The following PLEKHA5 variants were observed in gnomAD, a reference collection of about 807,000 sequenced individuals.
The protein encoded by PLEKHA5 is pleckstrin homology domain containing A5.
In PLEKHA5, 55 loss-of-function variants were observed where a neutral mutation model predicts 181.9. The ratio of observed to expected loss-of-function variants is 0.30; its 90% CI spans 0.24 to 0.38. The LOEUF is 0.38. PLEKHA5 is among the 10% of genes least tolerant of loss of function. The probability of loss-of-function intolerance (pLI) is 1.00; values close to 1 mark genes in which losing one functional copy is unlikely to be tolerated. For synonymous variants in PLEKHA5, 535 were observed against 529.4 expected (o/e 1.01, Z -0.15); for missense variants, 1,432 against 1,549.5 (o/e 0.92, Z 1.27).
chr12:19,272,039 G>C (rs1481912887), intron 10 of PLEKHA5, among the ~76,000 whole-genome samples: 1 of 152,062 alleles, frequency 6.6e-6, no homozygotes. Flanking sequence ...ATTTATCAGA[G>C]CTTATCACTG....
At chr12:19,314,472 T>G (rs1354854216) in intron 15 of PLEKHA5, among the ~76,000 whole-genome samples, 1 of 152,158 alleles carries the variant, frequency 6.6e-6, no homozygotes, top group African/African-American at 2.4e-5. Context: ...CCTGATTGTG[T>G]AGGTTCTCAC....
intron 3 of PLEKHA5, chr12:19,153,529 C>T (rs771783800): frequency 1.3e-5 from 2 of 151,990 alleles, no homozygotes; most frequent in Non-Finnish European, 2.9e-5. Flanking sequence ...ACACACAAAC[C>T]TTTACCCCCT....
intron 22 of PLEKHA5, among the ~76,000 whole-genome samples, chr12:19,345,352 A>G (rs1380810762): frequency 6.6e-6 from 1 of 151,938 alleles, no homozygotes; most frequent in African/African-American, 2.4e-5. Context: ...GTGAGCCGAG[A>G]TCTTGCCACT....
In PLEKHA5 at chr12:19,274,936, G is replaced by A. The variant is rs762947747; in HGVS notation, c.1266G>A (p.Gln422=). 6.2e-7 allele frequency: 1 copy of A among 1,612,872 alleles called. No individual in the cohort carries two copies. The highest frequency in any genetic ancestry group is 1.1e-5 in the South Asian group (1 of 91,080). Residue 422 remains glutamine, a synonymous_variant, in exon 11 of 32, where the codon CAG becomes CAA. Transcript: ENST00000429027. ...QRTNSMQQLE[Q]WIKIQKGRGH... is the part of the protein sequence containing the mutation. ...CAAATTCAATGCAGCAGTTGGAACA[G>A]TGGATTAAAATCCAGAAGGGGAGGG...
At chr12:19,263,313 A>C (rs2069132578) in intron 7 of PLEKHA5, among the ~76,000 whole-genome samples, 1 of 152,310 alleles carries the variant, frequency 6.6e-6, no homozygotes, top group East Asian at 1.9e-4. Context: ...ACTCATATAC[A>C]AAGTGCTTAC....
chr12:19,336,587 G>A lies in PLEKHA5; in HGVS notation c.2521G>A (p.Glu841Lys), dbSNP rs1419679418. ...DVTVTRNQMQ[E>K]QLDHLGEVQT... ...AACTGTTACCAGGAACCAGATGCAA[G>A]AGCAGCTGGATCACCTTGGTGAAGT... The change falls in exon 21 of 32, where the codon GAG (glutamate) becomes AAG (lysine). Residue 841 changes from glutamate (E) to lysine (K), a missense_variant. This residue lies in a region of PLEKHA5 where 1,143 missense variants were observed against 1,168.4 expected (regional missense o/e 0.98). Transcript: ENST00000429027. 6.3e-7 allele frequency: 1 copy of A among 1,598,456 alleles called. No homozygotes were observed. Among genetic ancestry groups the A allele is most frequent in the Non-Finnish European group, 8.6e-7 (1 of 1,166,674 alleles).
intron 3 of PLEKHA5, among the ~76,000 whole-genome samples, chr12:19,173,646 T>C (rs1267417952): frequency 6.6e-6 from 1 of 152,182 alleles, no homozygotes; most frequent in Non-Finnish European, 1.5e-5. Flanking sequence ...GAAGCTGTCA[T>C]TATCCCACGA....
intron 31 of PLEKHA5, chr12:19,371,894 T>C (rs1259469414): frequency 6.6e-6 from 1 of 152,258 alleles, no homozygotes; most frequent in East Asian, 1.9e-4. Context: ...CACACTGTTT[T>C]CCGTAGTGGT....
chr12:19,248,876 A>G (rs2064470743), intron 3 of PLEKHA5, among the ~76,000 whole-genome samples: 1 of 152,248 alleles, frequency 6.6e-6, no homozygotes, highest in Admixed American at 6.5e-5. Flanking sequence ...AAATACTAAT[A>G]TAATGATGAC....
intron 20 of PLEKHA5, among the ~76,000 whole-genome samples, chr12:19,330,873 T>G (rs1282128749): frequency 6.6e-6 from 1 of 152,166 alleles, no homozygotes; most frequent in African/African-American, 2.4e-5. Flanking sequence ...GGGCATTAAT[T>G]TGTAATATTA....
At chr12:19,356,057 C>T (rs1383954563) in intron 26 of PLEKHA5, among the ~76,000 whole-genome samples, 2 of 151,558 alleles carry the variant, frequency 1.3e-5, no homozygotes, top group South Asian at 4.2e-4. Flanking sequence ...CTCAGCTACT[C>T]GGGAGGCTGA....
chr12:19,312,584 T>C (rs1016776061), intron 15 of PLEKHA5, among the ~76,000 whole-genome samples: 3 of 152,222 alleles, frequency 2.0e-5, no homozygotes, highest in Non-Finnish European at 2.9e-5. Context: ...CAAGTTTCCT[T>C]CTGCAGCTTC....
chr12:19,347,531 G>C (rs1449340605), intron 24 of PLEKHA5, among the ~76,000 whole-genome samples: 2 of 152,120 alleles, frequency 1.3e-5, no homozygotes, highest in Non-Finnish European at 2.9e-5. Flanking sequence ...AAGGGAGAAA[G>C]AAAAAGACCG....
intron 20 of PLEKHA5, among the ~76,000 whole-genome samples, chr12:19,331,448 TC>T (rs1337765206): frequency 6.6e-6 from 1 of 152,180 alleles, no homozygotes. Flanking sequence ...AGGAGATTTC[TC>T]CCACCTCAGC....
intron 3 of PLEKHA5, among the ~76,000 whole-genome samples, chr12:19,249,973 T>A (rs1439859693): frequency 6.6e-6 from 1 of 152,052 alleles, no homozygotes; most frequent in Non-Finnish European, 1.5e-5. Context: ...TTTCTGGAGG[T>A]TTATTTGGAC....
intron 15 of PLEKHA5, among the ~76,000 whole-genome samples, chr12:19,292,360 C>T (rs2078671568): frequency 1.3e-5 from 2 of 151,738 alleles, no homozygotes. Context: ...GAGCCGAGAT[C>T]ATGCACCACT....
chr12:19,327,827 T>C (rs1401652297), intron 20 of PLEKHA5, among the ~76,000 whole-genome samples: 1 of 151,956 alleles, frequency 6.6e-6, no homozygotes, highest in African/African-American at 2.4e-5. Context: ...GTATTTTTAG[T>C]AGAGACAGGG....
rs138621053 is a variant in PLEKHA5, at chr12:19,368,041, C to T, written c.3755-1652C>T. ...ATGGGGTTCTGGGCAGAACATCTTC[C>T]GTATCTTATATAAATATAACGTGTA... On this transcript the variant is annotated intron_variant, in intron 30 of 31. Transcript: ENST00000429027. Among the ~76,000 whole-genome samples, 1,046 of 151,784 alleles carry T rather than the reference C, an allele frequency of 6.9e-3. 10 individuals carry two copies. The highest frequency in any genetic ancestry group is 0.024 in the African/African-American group (992 of 41,436).
rs545296483 is a variant in PLEKHA5, at chr12:19,210,176, A to G, written c.228-43764A>G. Among the ~76,000 whole-genome samples, 3 of 152,330 alleles carry G rather than the reference A, an allele frequency of 2.0e-5. No homozygotes were observed. The South Asian group carries it at 6.2e-4, about 32-fold the overall frequency. On this transcript the variant is annotated intron_variant, in intron 3 of 31. Coordinates refer to ENST00000429027, the MANE Select transcript of PLEKHA5 (RefSeq NM_001256470.2). ...ATATTCTCATTTACGAAAGTGTTTT[A>G]ACCTTAATGGAGTTTTTGTTAAGGA...
Sources: allele counts gnomAD v4.1 joint callset (sites outside exome capture counted in the v4.1 genomes callset), GRCh38; gene constraint gnomAD v4.1.1; regional missense constraint gnomAD v4.1.1; transcripts MANE v1.5; gene names NCBI Gene and HGNC (gene_info 2026-07-23, HGNC 2026-07-21).